PLB1: variants seen among roughly 807,000 people sequenced by gnomAD.
The protein encoded by PLB1 is phospholipase B1.
PLB1 carries 242 observed loss-of-function variants against 227.4 expected under a neutral mutation model. That is an observed-to-expected ratio of 1.06 (90% confidence interval 0.96 to 1.18). The LOEUF is 1.18. Ranked by LOEUF, PLB1 falls within the 50% of genes most tolerant of loss-of-function variation. The pLI, the probability that PLB1 is intolerant of heterozygous loss-of-function variation, is 0.00. For missense variants in PLB1, 1,858 were observed against 1,816.3 expected, an observed-to-expected ratio of 1.02 and a Z score of -0.42; for synonymous variants, 757 against 682.2, an observed-to-expected ratio of 1.11 and a Z score of -1.71.
chr2:28,558,698 T>C (rs1005104696), intron 17 of PLB1, among the ~76,000 whole-genome samples: 2 of 139,066 alleles, frequency 1.4e-5, no homozygotes, highest in African/African-American at 5.5e-5. Flanking sequence ...GTTCATGGTG[T>C]GTGTGTATGT....
chr2:28,540,802 G>A (rs1672375769), intron 12 of PLB1, among the ~76,000 whole-genome samples: 1 of 152,176 alleles, frequency 6.6e-6, no homozygotes, highest in Non-Finnish European at 1.5e-5. Context: ...CAGTGTGCCT[G>A]TCCCTAGCTT....
chr2:28,557,878 C>T (rs60806887), intron 17 of PLB1, among the ~76,000 whole-genome samples: 6,365 of 152,182 alleles, frequency 0.042, 445 homozygotes, highest in African/African-American at 0.15. Flanking sequence ...TCAAGGTCTA[C>T]GGAAAATTAG....
chr2:28,567,166 T>C (rs75725171), intron 20 of PLB1, among the ~76,000 whole-genome samples: 3,729 of 152,168 alleles, frequency 0.025, 156 homozygotes, highest in African/African-American at 0.085. Flanking sequence ...AGTGATTCAA[T>C]AATCTGGCAT....
At chr2:28,559,487 A>T (rs1249747580) in intron 17 of PLB1, among the ~76,000 whole-genome samples, 4 of 152,234 alleles carry the variant, frequency 2.6e-5, no homozygotes, top group Non-Finnish European at 5.9e-5. Context: ...CAATGAGAGC[A>T]AATCCTCATT....
At position 28,592,756 on chromosome 2, in the gene PLB1, C is replaced by G. The variant is rs575637189; in HGVS notation, c.2247+37C>G. ...TGGGCCCCAGGTGGTTTGGGGATAA[C>G]TAGGCCAGCTCCAGATCCCAGTCCT... On this transcript the variant is annotated intron_variant, in intron 32 of 57. Transcript: ENST00000327757. 4.8e-5 allele frequency: 76 copies of G among 1,594,246 alleles called. No homozygotes were observed. The South Asian group carries it at 7.8e-4, about 16-fold the overall frequency.
intron 54 of PLB1, among the ~76,000 whole-genome samples, chr2:28,630,979 C>T (rs1480817638): frequency 6.6e-6 from 1 of 151,934 alleles, no homozygotes; most frequent in African/African-American, 2.4e-5. Flanking sequence ...CACTTCCTCC[C>T]CTCCCTTCAT....
At chr2:28,624,317 T>A (rs1224124312) in intron 49 of PLB1, among the ~76,000 whole-genome samples, 1 of 152,036 alleles carries the variant, frequency 6.6e-6, no homozygotes. Context: ...GATCAAAGAG[T>A]ATATACTTTT....
In PLB1 at chr2:28,497,906, AC is replaced by A. The variant is rs528293255; in HGVS notation, c.55+1738del. Among the ~76,000 whole-genome samples, 987 of 150,184 alleles carry A rather than the reference AC, an allele frequency of 6.6e-3. 7 individuals are homozygous for A. The highest frequency in any genetic ancestry group is 8.2e-3 in the Non-Finnish European group (553 of 67,054). On this transcript the variant is annotated intron_variant, in intron 1 of 57. Coordinates refer to ENST00000327757, the MANE Select transcript of PLB1 (RefSeq NM_153021.5). Reference sequence around the variant, plus strand: ...GCTAATTTTTGTATTTTTAGTAGAGACAGGGTTTCACCATGTTGGCCAGGCT... The same window carrying A: ...GCTAATTTTTGTATTTTTAGTAGAGAAGGGTTTCACCATGTTGGCCAGGCT...
intron 18 of PLB1, among the ~76,000 whole-genome samples, chr2:28,564,128 G>A (rs568911618): frequency 3.9e-5 from 6 of 152,322 alleles, no homozygotes; most frequent in African/African-American, 1.4e-4. Context: ...TATAGTCCCA[G>A]CTACTTGAAA....
rs555596501 is a variant in PLB1 at position 28,541,884 on chromosome 2, G to C, written c.879+73G>C. ...ATGGTGGCTCACTCCTGTAATCCCA[G>C]CACTTTGGGAGGCCGAGGTGGGTGG... On this transcript the variant is annotated intron_variant, in intron 13 of 57. Coordinates refer to ENST00000327757, the MANE Select transcript of PLB1 (RefSeq NM_153021.5). The C allele has an allele frequency of 5.5e-6, 7 of 1,277,794 alleles. No homozygotes were observed. The South Asian group carries it at 8.5e-5, about 16-fold the overall frequency. The allele number at this position is 1,277,794 out of a possible 1,614,324, so 79.2% of individuals were successfully genotyped here.
chr2:28,620,099 A>G (rs1351130925), intron 46 of PLB1, among the ~76,000 whole-genome samples, 166 bp from the exon 47 acceptor site: 1 of 149,606 alleles, frequency 6.7e-6, no homozygotes, highest in African/African-American at 2.5e-5. Flanking sequence ...ACTGAGGAGA[A>G]GAATGTATCA....
At chr2:28,616,550 A>G (rs895524567) in intron 44 of PLB1, among the ~76,000 whole-genome samples, 3 of 152,200 alleles carry the variant, frequency 2.0e-5, no homozygotes, top group Admixed American at 6.5e-5. Context: ...CTTGTGACGG[A>G]TGAGCACGTT....
Position 28,589,997 on chromosome 2 carries a change from T to C in PLB1, c.2017-8T>C. 6.2e-7 allele frequency: 1 copy of C among 1,612,216 alleles called. No individual in the cohort carries two copies. The highest frequency in any genetic ancestry group is 8.5e-7 in the Non-Finnish European group (1 of 1,178,300). Reference sequence around the variant, plus strand: ...CCTCACTCCCCATCTCCCTGCTTCTTTGTTTAGCTGGAGCCTGTTGGCCAG... The same window carrying C: ...CCTCACTCCCCATCTCCCTGCTTCTCTGTTTAGCTGGAGCCTGTTGGCCAG... On this transcript the variant is annotated splice_region_variant and splice_polypyrimidine_tract_variant and intron_variant, in intron 28 of 57. Transcript: ENST00000327757.
chr2:28,606,488 C>A lies in PLB1; in HGVS notation c.3058-8C>A, dbSNP rs1261421315. ...TACACCCGTGTCTCTCTTTTCTTCCCTGATCAGCTTGAACCACTTGGAAGC... is the reference window on the plus strand; with the variant it reads ...TACACCCGTGTCTCTCTTTTCTTCCATGATCAGCTTGAACCACTTGGAAGC... On this transcript the variant is annotated splice_polypyrimidine_tract_variant and splice_region_variant and intron_variant, in intron 42 of 57. Coordinates refer to ENST00000327757, the MANE Select transcript of PLB1 (RefSeq NM_153021.5). 3 of 1,613,598 alleles carry A rather than the reference C, an allele frequency of 1.9e-6. No homozygotes were observed. In the African/African-American group the frequency reaches 4.0e-5, roughly 22 times the overall value.
chr2:28,628,706 G>T, intron 52 of PLB1, 78 bp downstream of exon 52: 15 of 1,403,082 alleles, frequency 1.1e-5, no homozygotes, highest in Non-Finnish European at 1.5e-5. Flanking sequence ...TGTTCAGTGA[G>T]ATGCTCACGG....
intron 1 of PLB1, among the ~76,000 whole-genome samples, chr2:28,500,573 TA>T: frequency 6.6e-6 from 1 of 152,140 alleles, no homozygotes; most frequent in Non-Finnish European, 1.5e-5. Flanking sequence ...GTTTCCTCCA[TA>T]AAAAAGAGAT....
At chr2:28,602,793 C>G in intron 38 of PLB1, 28 bp from the exon 39 acceptor site, 1 of 1,596,770 alleles carries the variant, frequency 6.3e-7, no homozygotes, top group Non-Finnish European at 8.6e-7. Context: ...GCCTGGAGCC[C>G]CCCTCTCATC....
intron 17 of PLB1, among the ~76,000 whole-genome samples, chr2:28,559,629 C>T (rs1675711120): frequency 6.6e-6 from 1 of 151,744 alleles, no homozygotes; most frequent in Non-Finnish European, 1.5e-5. Context: ...CGGCTTCCTG[C>T]ACAGGTACAA....
At chr2:28,631,870 G>T (rs559783682) in intron 54 of PLB1, among the ~76,000 whole-genome samples, 166 bp from the exon 55 acceptor site, 1 of 152,356 alleles carries the variant, frequency 6.6e-6, no homozygotes, top group African/African-American at 2.4e-5. Context: ...GCCCATGAAT[G>T]GGTGGAGAAT....
Sources: allele counts gnomAD v4.1 joint callset (sites outside exome capture counted in the v4.1 genomes callset), GRCh38; gene constraint gnomAD v4.1.1; transcripts MANE v1.5; gene names NCBI Gene and HGNC (gene_info 2026-07-23, HGNC 2026-07-21).